Variants in HNF4G observed in about 807,000 individuals in gnomAD.
HNF4G encodes the protein hepatocyte nuclear factor 4 gamma, also known as hepatocyte nuclear factor 4-gamma.
HNF4G carries 21 observed loss-of-function variants against 50.9 expected under a neutral mutation model. That is an observed-to-expected ratio of 0.41 (90% CI 0.29 to 0.59). The LOEUF (loss-of-function observed/expected upper bound fraction) is 0.59. Ranked by LOEUF, HNF4G falls within the 20% of genes least tolerant of loss-of-function variation. The pLI is 0.26. For synonymous variants in HNF4G, 198 were observed against 185.6 expected, an observed-to-expected ratio of 1.07 and a Z score of -0.54; for missense variants, 527 against 559.4, an observed-to-expected ratio of 0.94 and a Z score of 0.58.
At chr8:75,467,659 A>C (rs566901137) in intron 1 of HNF4G, among the ~76,000 whole-genome samples, 45 of 147,962 alleles carry the variant, frequency 3.0e-4, no homozygotes, top group African/African-American at 1.1e-3. Flanking sequence ...ACTCTGTCTC[A>C]GGAAAAAAAA....
chr8:75,536,595 A>G (rs1806471362), upstream of HNF4G, among the ~76,000 whole-genome samples: 2 of 152,020 alleles, frequency 1.3e-5, no homozygotes, highest in African/African-American at 4.8e-5. Context: ...TAATGTGAAT[A>G]TATATAAAAA....
At chr8:75,419,255 A>G (rs563080126) in intron 1 of HNF4G, among the ~76,000 whole-genome samples, 4 of 152,306 alleles carry the variant, frequency 2.6e-5, no homozygotes, top group African/African-American at 9.6e-5. Flanking sequence ...TGCATTTGGG[A>G]GAAACCGTTT....
chr8:75,480,110 T>G (rs1458714856), intron 1 of HNF4G, among the ~76,000 whole-genome samples: 2 of 152,214 alleles, frequency 1.3e-5, no homozygotes, highest in Non-Finnish European at 2.9e-5. Context: ...CTTATCTATG[T>G]GCTATACCTG....
intron 1 of HNF4G, among the ~76,000 whole-genome samples, chr8:75,468,209 C>A (rs1387176491): frequency 6.6e-6 from 1 of 152,082 alleles, no homozygotes; most frequent in African/African-American, 2.4e-5. Context: ...ATCCTCTTTT[C>A]AGTCCTTTTC....
chr8:75,503,121 G>A (rs1812975336), intron 2 of HNF4G, among the ~76,000 whole-genome samples: 1 of 152,084 alleles, frequency 6.6e-6, no homozygotes, highest in African/African-American at 2.4e-5. Context: ...AACTTCATAG[G>A]TAAATCATTC....
At chr8:75,454,127 C>G (rs978271260) in intron 1 of HNF4G, among the ~76,000 whole-genome samples, 4 of 148,176 alleles carry the variant, frequency 2.7e-5, no homozygotes, top group South Asian at 4.5e-4. Flanking sequence ...CTCCTCCTCT[C>G]CCCCACTCCA....
intron 1 of HNF4G, among the ~76,000 whole-genome samples, chr8:75,437,482 G>C (rs1281678631): frequency 6.6e-6 from 1 of 152,204 alleles, no homozygotes; most frequent in Admixed American, 6.5e-5. Flanking sequence ...CCACTGCTAA[G>C]TATATGTCGG....
At chr8:75,543,419 T>C (rs1806684855) in intron 1 of HNF4G, among the ~76,000 whole-genome samples, 1 of 152,178 alleles carries the variant, frequency 6.6e-6, no homozygotes. Flanking sequence ...GATATGTTAA[T>C]TTACAATTCT....
chr8:75,485,296 T>C (rs1174760542), intron 1 of HNF4G, among the ~76,000 whole-genome samples: 1 of 152,174 alleles, frequency 6.6e-6, no homozygotes, highest in Non-Finnish European at 1.5e-5. Flanking sequence ...GTTTCAAGTG[T>C]GAATATTTTG....
At chr8:75,560,600 A>G (rs1807282992) in intron 9 of HNF4G, 134 bp downstream of exon 9, 1 of 688,438 alleles carries the variant, frequency 1.5e-6, no homozygotes, top group African/African-American at 1.8e-5. Flanking sequence ...ACTCAGCAGT[A>G]GAAGACTGTT....
intron 1 of HNF4G, among the ~76,000 whole-genome samples, chr8:75,471,610 T>C (rs1812116167): frequency 6.6e-6 from 1 of 152,200 alleles, no homozygotes; most frequent in African/African-American, 2.4e-5. Context: ...CCTTCCTTCT[T>C]ATTAATTTCC....
At chr8:75,418,940 C>A (rs1013949002) in intron 1 of HNF4G, among the ~76,000 whole-genome samples, 1 of 151,864 alleles carries the variant, frequency 6.6e-6, no homozygotes, top group Non-Finnish European at 1.5e-5. Flanking sequence ...TTGGCCACAC[C>A]GACCTCGAAT....
chr8:75,433,618 CA>C (rs1230496968), intron 1 of HNF4G, among the ~76,000 whole-genome samples: 3 of 152,072 alleles, frequency 2.0e-5, no homozygotes, highest in Non-Finnish European at 4.4e-5. Context: ...GGGCTGGTCT[CA>C]AACTCCTGGG....
chr8:75,524,566 A>G (rs1471618259), intron 2 of HNF4G, among the ~76,000 whole-genome samples: 1 of 152,234 alleles, frequency 6.6e-6, no homozygotes, highest in Non-Finnish European at 1.5e-5. Flanking sequence ...CAGAATTATG[A>G]CATTATAAAA....
chr8:75,459,583 C>T (rs1199879119), intron 1 of HNF4G, among the ~76,000 whole-genome samples: 2 of 152,100 alleles, frequency 1.3e-5, no homozygotes, highest in Non-Finnish European at 2.9e-5. Flanking sequence ...TTATAAATGA[C>T]CTGTATAGTT....
At chr8:75,458,451 G>A (rs779050822) in intron 1 of HNF4G, among the ~76,000 whole-genome samples, 1 of 146,920 alleles carries the variant, frequency 6.8e-6, no homozygotes, top group African/African-American at 2.5e-5. Context: ...GACACACTCA[G>A]ACTGATTTTC....
chr8:75,441,627 T>C (rs1811289136), intron 1 of HNF4G, among the ~76,000 whole-genome samples: 1 of 152,208 alleles, frequency 6.6e-6, no homozygotes, highest in Admixed American at 6.5e-5. Flanking sequence ...CTGTTTTTTG[T>C]CATACCGTGA....
chr8:75,466,636 C>CCTTCGCCCTTCCCTTCCCT (rs1197117089), intron 1 of HNF4G, among the ~76,000 whole-genome samples: 2 of 38,694 alleles, frequency 5.2e-5, no homozygotes, highest in Non-Finnish European at 1.1e-4. Flanking sequence ...TTCCTTCCTT[C>CCTTCGCCCTTCCCTTCCCT]TCCCTTCCCT....
At chr8:75,522,609 T>C (rs1345526768) in intron 2 of HNF4G, among the ~76,000 whole-genome samples, 1 of 152,154 alleles carries the variant, frequency 6.6e-6, no homozygotes, top group Non-Finnish European at 1.5e-5. Context: ...TTTTACGATG[T>C]TTGCAGCATT....
Sources: gnomAD v4.1 joint callset for allele counts (sites outside exome capture counted in the v4.1 genomes callset) on GRCh38, gnomAD v4.1.1 for gene constraint, MANE v1.5 for transcripts, NCBI Gene and HGNC (gene_info 2026-07-23, HGNC 2026-07-21) for gene names.